Variants in CSMD1 observed in about 807,000 individuals in gnomAD.
CSMD1 encodes CUB and sushi domain-containing protein 1.
In CSMD1, 213 loss-of-function variants were observed where a neutral mutation model predicts 417.5. The ratio of observed to expected loss-of-function variants is 0.51; its 90% CI spans 0.46 to 0.57. The LOEUF is 0.57. Ranked by LOEUF, CSMD1 falls within the 20% of genes least tolerant of loss-of-function variation. The pLI, the probability that CSMD1 is intolerant of heterozygous loss-of-function variation, is 0.00. For synonymous variants in CSMD1, 2,862 were observed against 1,736.8 expected (o/e 1.65, Z -16.11); for missense variants, 6,923 against 4,529.7 (o/e 1.53, Z -15.17).
intron 4 of CSMD1, among the ~76,000 whole-genome samples, chr8:4,014,257 G>C (rs1180948727): frequency 6.6e-6 from 1 of 152,170 alleles, no homozygotes; most frequent in Non-Finnish European, 1.5e-5. Flanking sequence ...AACAAACACA[G>C]TGCTATATGT....
chr8:4,169,654 G>C (rs527989650), intron 3 of CSMD1, among the ~76,000 whole-genome samples: 1 of 152,246 alleles, frequency 6.6e-6, no homozygotes, highest in African/African-American at 2.4e-5. Flanking sequence ...GACGCCATGA[G>C]AGCCAACGCC....
chr8:4,935,885 C>G (rs1197245628), intron 1 of CSMD1, among the ~76,000 whole-genome samples: 1 of 152,214 alleles, frequency 6.6e-6, no homozygotes, highest in African/African-American at 2.4e-5. Flanking sequence ...CATGCAATTT[C>G]TGGGCTGTCT....
intron 1 of CSMD1, among the ~76,000 whole-genome samples, chr8:4,789,724 T>G (rs1020342154): frequency 3.3e-5 from 5 of 152,218 alleles, no homozygotes; most frequent in African/African-American, 9.6e-5. Flanking sequence ...AAAGGTTGAT[T>G]GTATAGCAAT....
intron 1 of CSMD1, among the ~76,000 whole-genome samples, chr8:4,689,616 G>C (rs1237329441): frequency 1.3e-5 from 2 of 152,134 alleles, no homozygotes; most frequent in African/African-American, 4.8e-5. Context: ...TTCTAGTTCA[G>C]AGGACAGAAA....
At chr8:4,099,442 T>G (rs10503234) in intron 3 of CSMD1, among the ~76,000 whole-genome samples, 1 of 152,054 alleles carries the variant, frequency 6.6e-6, no homozygotes, top group South Asian at 2.1e-4. Flanking sequence ...TCAGTTCTAA[T>G]ACACCATTCC....
At chr8:4,212,938 C>G (rs1800409596) in intron 3 of CSMD1, among the ~76,000 whole-genome samples, 1 of 152,044 alleles carries the variant, frequency 6.6e-6, no homozygotes, top group South Asian at 2.1e-4. Context: ...AACTAGCTTT[C>G]CTTCCCTCAT....
intron 3 of CSMD1, among the ~76,000 whole-genome samples, chr8:4,057,332 T>C (rs1474914362): frequency 1.3e-5 from 2 of 152,224 alleles, no homozygotes; most frequent in Non-Finnish European, 2.9e-5. Context: ...AAATGTCTTC[T>C]TTTGAGAAGT....
At position 3,734,787 on chromosome 8, in the gene CSMD1, T is replaced by C. The variant is rs1380559348; in HGVS notation, c.931+19143A>G. 2.6e-5 allele frequency among the ~76,000 whole-genome samples: 4 copies of C among 152,218 alleles called. No homozygotes were observed. In the East Asian group the frequency reaches 7.7e-4, roughly 29 times the overall value. On this transcript the variant is annotated intron_variant, in intron 6 of 69. Coordinates refer to ENST00000635120, the MANE Select transcript of CSMD1 (RefSeq NM_033225.6). ...TCTGTAATCAGATCTCTCTGCTCTC[T>C]GCAACTGGGTGCTGAGGCCCCGTGA...
rs184930377 is a variant in CSMD1, at chr8:4,022,640, T to C, written c.610+9265A>G. Among the ~76,000 whole-genome samples the C allele has an allele frequency of 5.3e-5, 8 of 152,226 alleles. No individual in the cohort carries two copies. The East Asian group carries it at 1.5e-3, about 29-fold the overall frequency. On this transcript the variant is annotated intron_variant, in intron 4 of 69. Transcript: ENST00000635120. ...TCCTAGAAACCATTCTGGAACCCTC[T>C]GGGTGAGCGCTCAGGGAGAGAAATG...
At chr8:4,353,444 T>G (rs566943652) in intron 3 of CSMD1, among the ~76,000 whole-genome samples, 1 of 152,252 alleles carries the variant, frequency 6.6e-6, no homozygotes, top group African/African-American at 2.4e-5. Context: ...CTCGAGTATG[T>G]CTTTATTAGC....
intron 3 of CSMD1, among the ~76,000 whole-genome samples, chr8:4,243,115 G>A (rs1161658039): frequency 6.6e-6 from 1 of 152,020 alleles, no homozygotes; most frequent in East Asian, 1.9e-4. Flanking sequence ...GTTCACTGTG[G>A]AAAATCAGAC....
chr8:3,033,239 T>C lies in CSMD1; in HGVS notation c.7661-3726A>G, dbSNP rs143171898. ...GTGAAAACATTCTCTTTGATTTAGA[T>C]GCAAATTTCCTATTAATATACCATT... On this transcript the variant is annotated intron_variant, in intron 50 of 69. Coordinates refer to ENST00000635120, the MANE Select transcript of CSMD1 (RefSeq NM_033225.6). Among the ~76,000 whole-genome samples the C allele has an allele frequency of 5.3e-3, 810 of 152,240 alleles. 9 individuals carry two copies. Among genetic ancestry groups the C allele is most frequent in the African/African-American group, 0.019 (771 of 41,556 alleles).
chr8:3,692,140 T>C (rs1311056494), intron 7 of CSMD1, among the ~76,000 whole-genome samples: 1 of 152,188 alleles, frequency 6.6e-6, no homozygotes, highest in Non-Finnish European at 1.5e-5. Flanking sequence ...GGGTCTCCTA[T>C]CCCAGCCGCT....
At chr8:4,647,918 T>A (rs1803640779) in intron 1 of CSMD1, among the ~76,000 whole-genome samples, 1 of 152,248 alleles carries the variant, frequency 6.6e-6, no homozygotes, top group African/African-American at 2.4e-5. Context: ...TTATATTCCT[T>A]TGGGTATATA....
At chr8:3,966,324 G>C (rs1211084432) in intron 5 of CSMD1, among the ~76,000 whole-genome samples, 1 of 152,078 alleles carries the variant, frequency 6.6e-6, no homozygotes, top group Non-Finnish European at 1.5e-5. Flanking sequence ...GAAAGAAATA[G>C]CATCTTGCTC....
At chr8:4,095,854 A>C (rs1800979861) in intron 3 of CSMD1, among the ~76,000 whole-genome samples, 1 of 152,142 alleles carries the variant, frequency 6.6e-6, no homozygotes, top group African/African-American at 2.4e-5. Flanking sequence ...AAACTTTTTA[A>C]AGTGTTGAAA....
intron 5 of CSMD1, among the ~76,000 whole-genome samples, chr8:3,913,283 T>C (rs2554695): frequency 0.029 from 4,400 of 152,204 alleles, 214 homozygotes; most frequent in African/African-American, 0.1. Flanking sequence ...GGGGAGGTTT[T>C]TGTCAAAGGA....
At chr8:4,731,531 T>C (rs1809865444) in intron 1 of CSMD1, among the ~76,000 whole-genome samples, 2 of 152,236 alleles carry the variant, frequency 1.3e-5, no homozygotes, top group South Asian at 4.1e-4. Context: ...TTTATCTATT[T>C]GTTCTTTTGT....
chr8:4,333,814 A>G (rs1042045026), intron 3 of CSMD1, among the ~76,000 whole-genome samples: 2 of 152,052 alleles, frequency 1.3e-5, no homozygotes, highest in African/African-American at 2.4e-5. Flanking sequence ...TTGTGTGCAA[A>G]TATTCTCTAT....
Sources: allele counts gnomAD v4.1 joint callset (sites outside exome capture counted in the v4.1 genomes callset), GRCh38; gene constraint gnomAD v4.1.1; transcripts MANE v1.5; gene names NCBI Gene and HGNC (gene_info 2026-07-23, HGNC 2026-07-21).